MEIOB: variants seen among roughly 807,000 people sequenced by gnomAD.
MEIOB encodes meiosis specific with OB-fold.
MEIOB carries 50 observed loss-of-function variants against 53.1 expected under a neutral mutation model. The ratio of observed to expected loss-of-function variants is 0.94; its 90% CI spans 0.75 to 1.19. MEIOB has a LOEUF of 1.19. MEIOB is among the 50% of genes most tolerant of loss of function. The pLI, the probability that MEIOB is intolerant of heterozygous loss-of-function variation, is 0.00. For missense variants in MEIOB, 551 were observed against 550.8 expected (o/e 1.00, Z 0.00); for synonymous variants, 192 against 182.5 (o/e 1.05, Z -0.42).
At chr16:1,853,161 T>G (rs1899213412) in intron 8 of MEIOB, 27 bp from the exon 9 acceptor site, 2 of 1,582,148 alleles carry the variant, frequency 1.3e-6, no homozygotes, top group African/African-American at 1.3e-5. Context: ...CCATTTAAAA[T>G]TATTACATGG....
chr16:1,847,519 G>A (rs1899055226), intron 9 of MEIOB, among the ~76,000 whole-genome samples: 1 of 149,286 alleles, frequency 6.7e-6, no homozygotes, highest in Non-Finnish European at 1.5e-5. Flanking sequence ...GCTCACACCT[G>A]TAATCCTTCA....
intron 12 of MEIOB, 123 bp downstream of exon 12, chr16:1,839,132 T>C: frequency 8.6e-7 from 1 of 1,168,508 alleles, no homozygotes. Context: ...AGATGATTTT[T>C]TCCCAGGCTG....
intron 9 of MEIOB, among the ~76,000 whole-genome samples, chr16:1,848,544 C>CGTTT (rs1555471510): frequency 7.7e-6 from 1 of 129,742 alleles, no homozygotes. Context: ...TTTTTTTTTC[C>CGTTT]TTTTTTTTTT....
intron 1 of MEIOB, among the ~76,000 whole-genome samples, chr16:1,871,699 AT>A (rs1420562151): frequency 6.8e-6 from 1 of 147,648 alleles, no homozygotes; most frequent in Non-Finnish European, 1.5e-5. Context: ...TAATTTTTGT[AT>A]TTTTTGTAGA....
intron 1 of MEIOB, 142 bp from the exon 2 acceptor site, chr16:1,868,326 GT>G: frequency 2.2e-6 from 1 of 452,670 alleles, no homozygotes; most frequent in East Asian, 4.0e-5. Context: ...GGAGGCTGAA[GT>G]GGATGGATCA....
Position 1,837,886 on chromosome 16 carries a change from AT to A in MEIOB, c.1219-17del, listed in dbSNP as rs141132983. 223,898 of 1,461,320 alleles carry A rather than the reference AT, an allele frequency of 0.15. 10,992 individuals carry two copies. The highest frequency in any genetic ancestry group is 0.24 in the South Asian group (17,434 of 72,334). 90.5% of individuals were successfully genotyped at this position (1,461,320 alleles called of 1,614,324 possible). On this transcript the variant is annotated splice_polypyrimidine_tract_variant and intron_variant, in intron 12 of 13. Transcript: ENST00000325962. The stretch of plus-strand genomic sequence containing the variant: ...ACTCATGTACCTGGTTAAAAAAAAA[AT>A]ATGAGACAAATATATTTGAAGTTTA...
At chr16:1,847,614 G>A (rs979811082) in intron 9 of MEIOB, among the ~76,000 whole-genome samples, 2 of 151,832 alleles carry the variant, frequency 1.3e-5, no homozygotes, top group Admixed American at 6.6e-5. Flanking sequence ...GGAGGGGAGG[G>A]GAGGGGAGAA....
intron 13 of MEIOB, among the ~76,000 whole-genome samples, chr16:1,835,217 G>A (rs371166884): frequency 3.3e-5 from 5 of 151,620 alleles, no homozygotes; most frequent in East Asian, 1.9e-4. Context: ...ATCGCACCAC[G>A]TGCTCCAGCC....
chr16:1,864,633 C>T (rs573014803), intron 3 of MEIOB, among the ~76,000 whole-genome samples: 5 of 151,836 alleles, frequency 3.3e-5, no homozygotes, highest in South Asian at 4.2e-4. Context: ...GGAATACAAG[C>T]GCCTGCCACC....
intron 1 of MEIOB, among the ~76,000 whole-genome samples, chr16:1,871,051 C>T (rs1460438792): frequency 2.6e-5 from 4 of 151,782 alleles, no homozygotes; most frequent in African/African-American, 9.7e-5. Flanking sequence ...TGTCTGCTAC[C>T]GTTAGAGGTA....
At chr16:1,835,699 GAC>G (rs1482554961) in intron 13 of MEIOB, among the ~76,000 whole-genome samples, 3 of 152,118 alleles carry the variant, frequency 2.0e-5, no homozygotes, top group Non-Finnish European at 4.4e-5. Flanking sequence ...GTAGAAAGCT[GAC>G]AGTGATTCGA....
chr16:1,858,700 T>G (rs1185098560), intron 5 of MEIOB, among the ~76,000 whole-genome samples: 1 of 152,212 alleles, frequency 6.6e-6, no homozygotes, highest in African/African-American at 2.4e-5. Context: ...AAAATATCTC[T>G]GCTTCCACCT....
chr16:1,839,576 C>CAA (rs1406863784), intron 11 of MEIOB, 138 bp from the exon 12 acceptor site: 1 of 722,122 alleles, frequency 1.4e-6, no homozygotes, highest in Non-Finnish European at 2.2e-6. Flanking sequence ...ATGCGGTCTA[C>CAA]AAGACAGTCG....
chr16:1,842,334 G>A (rs542434024), intron 10 of MEIOB, among the ~76,000 whole-genome samples: 1 of 151,818 alleles, frequency 6.6e-6, no homozygotes, highest in South Asian at 2.1e-4. Flanking sequence ...CAGTGACTCA[G>A]CTGGGCACAG....
chr16:1,871,275 A>C (rs1199943961), intron 1 of MEIOB, among the ~76,000 whole-genome samples: 4 of 149,780 alleles, frequency 2.7e-5, no homozygotes, highest in African/African-American at 7.4e-5. Flanking sequence ...GCTGGAGCGC[A>C]GTGGCGCAAT....
At chr16:1,871,482 G>C (rs1434391407) in intron 1 of MEIOB, among the ~76,000 whole-genome samples, 1 of 130,616 alleles carries the variant, frequency 7.7e-6, no homozygotes, top group African/African-American at 2.9e-5. Context: ...GCCTCCCAAA[G>C]TGCTGGGATT....
intron 6 of MEIOB, among the ~76,000 whole-genome samples, chr16:1,854,497 G>A (rs1899251957): frequency 6.6e-6 from 1 of 152,204 alleles, no homozygotes; most frequent in Non-Finnish European, 1.5e-5. Flanking sequence ...CCCCTCTGGG[G>A]CATCTACGTG....
At chr16:1,855,051 G>T (rs1029588516) in intron 6 of MEIOB, among the ~76,000 whole-genome samples, 1 of 152,178 alleles carries the variant, frequency 6.6e-6, no homozygotes, top group African/African-American at 2.4e-5. Flanking sequence ...AACATCTGGG[G>T]TTGGGAAGGT....
chr16:1,864,864 G>A (rs1899544885), intron 3 of MEIOB, among the ~76,000 whole-genome samples: 2 of 152,104 alleles, frequency 1.3e-5, no homozygotes, highest in South Asian at 2.1e-4. Flanking sequence ...CATTTTAAGT[G>A]ATGCCTTCTG....
Sources: gnomAD v4.1 joint callset for allele counts (sites outside exome capture counted in the v4.1 genomes callset) on GRCh38, gnomAD v4.1.1 for gene constraint, MANE v1.5 for transcripts, NCBI Gene and HGNC (gene_info 2026-07-23, HGNC 2026-07-21) for gene names.